MTCL1: variants seen among roughly 807,000 people sequenced by gnomAD.
MTCL1 encodes microtubule cross-linking factor 1.
Under a neutral mutation model 141.4 loss-of-function variants are expected in MTCL1, and 79 were observed. The observed-to-expected ratio is 0.56, with a 90% confidence interval of 0.47 to 0.67. The LOEUF is 0.67. Ranked by LOEUF, MTCL1 falls within the 30% of genes least tolerant of loss-of-function variation. The pLI is 0.00. For missense variants in MTCL1, 2,177 were observed against 2,113.9 expected (o/e 1.03, Z -0.59); for synonymous variants, 914 against 875.8 (o/e 1.04, Z -0.77).
chr18:8,729,673 A>AATATATATATATAT (rs3051533), intron 4 of MTCL1, among the ~76,000 whole-genome samples: 2 of 131,530 alleles, frequency 1.5e-5, no homozygotes, highest in Non-Finnish European at 3.3e-5. Flanking sequence ...CAAGAAGACA[A>AATATATATATATAT]ATATATATAT....
Position 8,771,237 on chromosome 18 carries a change from C to T in MTCL1, c.358-6596C>T, listed in dbSNP as rs933886610. On this transcript the variant is annotated intron_variant, in intron 4 of 16. Transcript: ENST00000359865. Reference sequence around the variant, plus strand: ...CTCCTGGCCTCAAATGATCCCCCTACCTCAGCCTCCCAAAGTGCTGGGATT... The same window carrying T: ...CTCCTGGCCTCAAATGATCCCCCTATCTCAGCCTCCCAAAGTGCTGGGATT... Among the ~76,000 whole-genome samples the T allele has an allele frequency of 2.6e-5, 4 of 152,148 alleles. No homozygotes were observed. The East Asian group carries it at 7.7e-4, about 29-fold the overall frequency.
chr18:8,756,139 A>G (rs1445411071), intron 4 of MTCL1, among the ~76,000 whole-genome samples: 1 of 152,194 alleles, frequency 6.6e-6, no homozygotes, highest in Non-Finnish European at 1.5e-5. Context: ...CCTCTCTAAA[A>G]AAATAAAGAA....
chr18:8,764,570 G>C (rs143983932), intron 4 of MTCL1, among the ~76,000 whole-genome samples: 1 of 152,016 alleles, frequency 6.6e-6, no homozygotes, highest in Non-Finnish European at 1.5e-5. Flanking sequence ...CACCTGCCTC[G>C]GCCTCTCAAA....
chr18:8,807,412 CTG>C (rs1409888698), intron 11 of MTCL1, among the ~76,000 whole-genome samples: 1 of 152,216 alleles, frequency 6.6e-6, no homozygotes, highest in African/African-American at 2.4e-5. Context: ...CAAAAGCAGA[CTG>C]TGGTTTAGTT....
At position 8,805,724 on chromosome 18, in the gene MTCL1, G is replaced by C. The variant is rs561811726; in HGVS notation, c.2437-1169G>C. On this transcript the variant is annotated intron_variant, in intron 10 of 16. Transcript: ENST00000359865. Reference sequence around the variant, plus strand: ...CCATAGTAGAGCTTATCTATGTCCAGTGGGACTTAGAGAGCTTTTATAACT... The same window carrying C: ...CCATAGTAGAGCTTATCTATGTCCACTGGGACTTAGAGAGCTTTTATAACT... 2.6e-5 allele frequency among the ~76,000 whole-genome samples: 4 copies of C among 152,296 alleles called. No individual in the cohort carries two copies. The East Asian group carries it at 5.8e-4, about 22-fold the overall frequency.
chr18:8,756,062 A>T (rs1325303338), intron 4 of MTCL1, among the ~76,000 whole-genome samples: 5 of 152,220 alleles, frequency 3.3e-5, no homozygotes, highest in African/African-American at 1.2e-4. Context: ...TCTTGAGTGC[A>T]GGAATTTGAG....
chr18:8,729,869 G>A (rs1223851190), intron 4 of MTCL1, among the ~76,000 whole-genome samples: 3 of 151,922 alleles, frequency 2.0e-5, no homozygotes, highest in African/African-American at 4.8e-5. Flanking sequence ...TAAAAGCTCT[G>A]TGCCTAACCC....
chr18:8,761,206 G>A (rs755909973), intron 4 of MTCL1, among the ~76,000 whole-genome samples: 1 of 152,164 alleles, frequency 6.6e-6, no homozygotes, highest in Non-Finnish European at 1.5e-5. Flanking sequence ...CTGTTCACAT[G>A]GAAGGTGCAA....
chr18:8,748,756 G>T lies in MTCL1; in HGVS notation c.357+28260G>T, dbSNP rs191444871. 3.9e-5 allele frequency among the ~76,000 whole-genome samples: 6 copies of T among 152,166 alleles called. No homozygotes were observed. The East Asian group carries it at 1.2e-3, about 29-fold the overall frequency. ...ATAGTAATATTAACATGAGTTCAGG[G>T]TATTAGCCAGTTCTGTCTTTCGGGA... On this transcript the variant is annotated intron_variant, in intron 4 of 16. Coordinates refer to ENST00000359865, the Ensembl canonical transcript of MTCL1.
rs541724310 is a variant in MTCL1, at chr18:8,814,926, TGTG to T, written c.2859+1697_2859+1699del. On this transcript the variant is annotated intron_variant, in intron 12 of 16. Transcript: ENST00000359865. ...TCTAGTAAAGGAAAAATTAGATACA[TGTG>T]GTGATACTCAACTTTCGAAAAGTCA... Among the ~76,000 whole-genome samples, 276 of 152,348 alleles carry T rather than the reference TGTG, an allele frequency of 1.8e-3. 3 individuals are homozygous for T. Among genetic ancestry groups the T allele is most frequent in the Non-Finnish European group, 4.4e-4 (30 of 68,034 alleles).
intron 1 of MTCL1, among the ~76,000 whole-genome samples, chr18:8,712,003 C>T (rs1035652282): frequency 6.6e-6 from 1 of 152,130 alleles, no homozygotes; most frequent in African/African-American, 2.4e-5. Flanking sequence ...TTTCCACAGG[C>T]TTTTCAGGAG....
At chr18:8,781,179 C>CAAAAAAAAAAAAA (rs56370900) in intron 5 of MTCL1, among the ~76,000 whole-genome samples, 1 of 67,388 alleles carries the variant, frequency 1.5e-5, no homozygotes, top group Non-Finnish European at 2.7e-5. Context: ...GACTCCATCT[C>CAAAAAAAAAAAAA]AAAAAAAAAA....
At chr18:8,785,428 G>A (rs1423069336) in intron 6 of MTCL1, among the ~76,000 whole-genome samples, 1 of 152,186 alleles carries the variant, frequency 6.6e-6, no homozygotes, top group Non-Finnish European at 1.5e-5. Flanking sequence ...AGCTCTGCTG[G>A]CTCCTGCCGC....
Position 8,826,245 on chromosome 18 carries a change from G to A in MTCL1, c.4722+13G>A. 6.4e-7 allele frequency: 1 copy of A among 1,566,486 alleles called. No individual in the cohort carries two copies. Among genetic ancestry groups the A allele is most frequent in the South Asian group, 1.2e-5 (1 of 82,682 alleles). On this transcript the variant is annotated intron_variant, in intron 15 of 16. Transcript: ENST00000359865. Reference sequence around the variant, plus strand: ...AGGGCCCATGGAGGTAATGAATGCTGAGTGCCCCACACCCTTCCCCACCAG... The same window carrying A: ...AGGGCCCATGGAGGTAATGAATGCTAAGTGCCCCACACCCTTCCCCACCAG...
intron 4 of MTCL1, among the ~76,000 whole-genome samples, chr18:8,739,011 G>T (rs1196513711): frequency 6.6e-6 from 1 of 152,180 alleles, no homozygotes; most frequent in Non-Finnish European, 1.5e-5. Flanking sequence ...GGCCAAAGTG[G>T]GAGGGTTGCT....
chr18:8,809,665 C>G, intron 11 of MTCL1: 1 of 1,493,330 alleles, frequency 6.7e-7, no homozygotes, highest in Non-Finnish European at 8.9e-7. Context: ...GCCTGGTGGC[C>G]GGTTCATGAG....
chr18:8,786,816 A>G (rs977272329), intron 7 of MTCL1: 20 of 169,998 alleles, frequency 1.2e-4, no homozygotes, highest in African/African-American at 3.5e-4. Context: ...AGAGAATGCA[A>G]TGTCTTGCCA....
At chr18:8,757,381 A>T (rs938129861) in intron 4 of MTCL1, among the ~76,000 whole-genome samples, 1 of 152,248 alleles carries the variant, frequency 6.6e-6, no homozygotes, top group African/African-American at 2.4e-5. Flanking sequence ...GCTGTAGGAT[A>T]AAAGATGTGT....
At chr18:8,747,619 C>T (rs535337572) in intron 4 of MTCL1, among the ~76,000 whole-genome samples, 1 of 152,332 alleles carries the variant, frequency 6.6e-6, no homozygotes, top group Admixed American at 6.5e-5. Context: ...GTAGGTCCTC[C>T]TCTAAACGTG....
Sources: allele counts gnomAD v4.1 joint callset (sites outside exome capture counted in the v4.1 genomes callset), GRCh38; gene constraint gnomAD v4.1.1; transcripts MANE v1.5; gene names NCBI Gene and HGNC (gene_info 2026-07-23, HGNC 2026-07-21).